Variants in SLC8A1 observed in about 807,000 individuals in gnomAD.
SLC8A1 encodes the protein sodium/calcium exchanger 1.
Under a neutral mutation model 68.3 loss-of-function variants are expected in SLC8A1, and 18 were observed. That is an observed-to-expected ratio of 0.26 (90% confidence interval 0.18 to 0.39). The LOEUF (loss-of-function observed/expected upper bound fraction) is 0.39, where lower values mean the gene tolerates loss of function less well. Ranked by LOEUF, SLC8A1 falls within the 10% of genes least tolerant of loss-of-function variation. SLC8A1 has a pLI of 1.00. For synonymous variants in SLC8A1, 475 were observed against 415.5 expected (o/e 1.14, Z -1.74); for missense variants, 985 against 1,156.7 (o/e 0.85, Z 2.15).
chr2:40,310,995 A>G (rs1186026113), intron 2 of SLC8A1, among the ~76,000 whole-genome samples: 1 of 152,172 alleles, frequency 6.6e-6, no homozygotes, highest in African/African-American at 2.4e-5. Flanking sequence ...TACATTTTAA[A>G]TAAATTTAAT....
intron 2 of SLC8A1, among the ~76,000 whole-genome samples, chr2:40,396,570 G>A (rs139307742): frequency 1.2e-3 from 180 of 151,808 alleles, no homozygotes; most frequent in African/African-American, 4.1e-3. Flanking sequence ...TTTCAATTAT[G>A]TACATAACCT....
At chr2:40,290,517 C>T (rs546196241) in intron 2 of SLC8A1, among the ~76,000 whole-genome samples, 2 of 152,116 alleles carry the variant, frequency 1.3e-5, no homozygotes, top group African/African-American at 4.8e-5. Context: ...CCATAATGTG[C>T]GTCCTGGGAG....
intron 2 of SLC8A1, among the ~76,000 whole-genome samples, chr2:40,324,065 C>T (rs1442062193): frequency 1.3e-5 from 2 of 151,308 alleles, no homozygotes; most frequent in Admixed American, 6.6e-5. Context: ...TATGTGTAAA[C>T]CAAGATTGTC....
At chr2:40,158,720 C>CATTAG (rs1478588647) in intron 6 of SLC8A1, among the ~76,000 whole-genome samples, 1 of 152,124 alleles carries the variant, frequency 6.6e-6, no homozygotes, top group Non-Finnish European at 1.5e-5. Flanking sequence ...GACCAGTCTT[C>CATTAG]ATTAGATATA....
At chr2:40,494,607 C>T (rs1276664699) in intron 1 of SLC8A1, among the ~76,000 whole-genome samples, 4 of 140,276 alleles carry the variant, frequency 2.9e-5, no homozygotes, top group Admixed American at 7.4e-5. Flanking sequence ...CAAACCTGCA[C>T]GTTGTGTACA....
intron 2 of SLC8A1, among the ~76,000 whole-genome samples, chr2:40,316,181 A>G (rs563286544): frequency 6.6e-6 from 1 of 152,054 alleles, no homozygotes; most frequent in Non-Finnish European, 1.5e-5. Context: ...GTAAAAACCT[A>G]TTTGGTTTAT....
Position 40,348,304 on chromosome 2 carries a change from C to T in SLC8A1, c.1808+80169G>A, listed in dbSNP as rs565524398. 2.6e-5 allele frequency among the ~76,000 whole-genome samples: 4 copies of T among 152,284 alleles called. No individual in the cohort carries two copies. The East Asian group carries it at 7.7e-4, about 29-fold the overall frequency. On this transcript the variant is annotated intron_variant, in intron 2 of 7. Coordinates refer to ENST00000406785, the Ensembl canonical transcript of SLC8A1. ...CAAAATGAGGGGTTGGCTTAGCTAA[C>T]TGCATAGGCTCCTTCCAGCTTTATA...
intron 5 of SLC8A1, among the ~76,000 whole-genome samples, chr2:40,162,490 T>C (rs1287850942): frequency 6.6e-6 from 1 of 152,210 alleles, no homozygotes; most frequent in African/African-American, 2.4e-5. Context: ...AGCACAGACT[T>C]TCCTCAAGAA....
intron 1 of SLC8A1, among the ~76,000 whole-genome samples, chr2:40,447,588 T>TAAAAA (rs139695930): frequency 7.2e-6 from 1 of 139,254 alleles, no homozygotes; most frequent in Non-Finnish European, 1.6e-5. Context: ...CAATCCAAGT[T>TAAAAA]AAAAAAAAAA....
chr2:40,186,368 T>G (rs982709380), intron 2 of SLC8A1, among the ~76,000 whole-genome samples: 3 of 152,170 alleles, frequency 2.0e-5, no homozygotes, highest in Non-Finnish European at 2.9e-5. Flanking sequence ...TAAGCCTTTT[T>G]TTCCTTTCAA....
exon 8 of SLC8A1, chr2:40,099,341 T>A (rs1259926911): frequency 6.6e-6 from 1 of 152,046 alleles, no homozygotes; most frequent in African/African-American, 2.4e-5. Context: ...GGAGATTACA[T>A]TCATTGGCAG....
intron 2 of SLC8A1, among the ~76,000 whole-genome samples, chr2:40,372,665 G>C (rs1678510144): frequency 6.6e-6 from 1 of 151,994 alleles, no homozygotes; most frequent in Non-Finnish European, 1.5e-5. Context: ...AACTATTCTT[G>C]GAAATTGCAA....
Position 40,429,319 on chromosome 2 carries a change from T to A in SLC8A1, c.962A>T (p.Glu321Val). Residue 321 changes from glutamate (E) to valine (V), a missense_variant, in exon 2 of 8, where the codon GAA (glutamate) becomes GTA (valine). Physicochemically the swap from Glu to Val is moderately radical, Grantham distance 121 (BLOSUM62 -2). Around this residue, in one of 5 missense-constraint regions of SLC8A1, gnomAD observed 584 missense variants for 565.9 expected, o/e 1.03. Coordinates refer to ENST00000406785, the Ensembl canonical transcript of SLC8A1. ...AATCCTAGCCATTTCTCGCCTAGCT[T>A]CTTCATCATCTTGGTCCCTCTCATC... 6.2e-7 allele frequency: 1 copy of A among 1,613,920 alleles called. No homozygotes were observed. Among genetic ancestry groups the A allele is most frequent in the Non-Finnish European group, 8.5e-7 (1 of 1,179,930 alleles).
intron 1 of SLC8A1, among the ~76,000 whole-genome samples, chr2:40,466,227 G>A (rs572462163): frequency 3.9e-5 from 6 of 152,256 alleles, no homozygotes; most frequent in South Asian, 2.1e-4. Context: ...CTGTGGCAAG[G>A]GCAGGGGTTG....
chr2:40,225,391 C>G (rs2058845535), intron 2 of SLC8A1, among the ~76,000 whole-genome samples: 1 of 152,112 alleles, frequency 6.6e-6, no homozygotes, highest in Non-Finnish European at 1.5e-5. Context: ...AGTGGGTACC[C>G]ATCTATGTGC....
intron 2 of SLC8A1, among the ~76,000 whole-genome samples, chr2:40,345,230 T>G (rs1668873099): frequency 6.6e-6 from 1 of 152,082 alleles, no homozygotes; most frequent in African/African-American, 2.4e-5. Context: ...TAGCAAGAAA[T>G]TTCACTAGGG....
chr2:40,344,508 G>T (rs758459402), intron 2 of SLC8A1, among the ~76,000 whole-genome samples: 1 of 152,120 alleles, frequency 6.6e-6, no homozygotes, highest in Non-Finnish European at 1.5e-5. Context: ...TTGGTTCTGG[G>T]AAAGTTCATC....
rs577158442 is a variant in SLC8A1 at position 40,268,218 on chromosome 2, T to A, written c.1809-90363A>T. On this transcript the variant is annotated intron_variant, in intron 2 of 7. Coordinates refer to ENST00000406785, the Ensembl canonical transcript of SLC8A1. ...TTTCCCCTCCAGTGTCCTTTGAGTG[T>A]AGTACCATTAAAAACTTAGAATGCT... Among the ~76,000 whole-genome samples the A allele has an allele frequency of 1.3e-5, 2 of 152,132 alleles. 1 individual carries two copies. The highest frequency in any genetic ancestry group is 4.1e-4 in the South Asian group (2 of 4,822).
intron 2 of SLC8A1, among the ~76,000 whole-genome samples, chr2:40,346,737 C>T (rs1471613934): frequency 6.6e-6 from 1 of 152,032 alleles, no homozygotes; most frequent in African/African-American, 2.4e-5. Flanking sequence ...TTGTCTGCAT[C>T]CTGTCTAAAG....
Sources: allele counts gnomAD v4.1 joint callset (sites outside exome capture counted in the v4.1 genomes callset), GRCh38; gene constraint gnomAD v4.1.1; regional missense constraint gnomAD v4.1.1; transcripts MANE v1.5; gene names NCBI Gene and HGNC (gene_info 2026-07-23, HGNC 2026-07-21).